The following DCUN1D1 variants were observed in gnomAD, a reference collection of about 807,000 sequenced individuals.
DCUN1D1 encodes defective in cullin neddylation 1 domain containing 1.
In DCUN1D1, 3 loss-of-function variants were observed where a neutral mutation model predicts 39.0. That is an observed-to-expected ratio of 0.08 (90% CI 0.04 to 0.20). The LOEUF (loss-of-function observed/expected upper bound fraction) is 0.20, where lower values mean the gene tolerates loss of function less well. Ranked by LOEUF, DCUN1D1 falls within the 10% of genes least tolerant of loss-of-function variation. The probability of loss-of-function intolerance (pLI) is 1.00; values close to 1 mark genes in which losing one functional copy is unlikely to be tolerated. For missense variants in DCUN1D1, 158 were observed against 302.4 expected (o/e 0.52, Z 3.54); for synonymous variants, 82 against 96.3 (o/e 0.85, Z 0.87).
At chr3:182,970,099 T>A (rs1168356328) in intron 1 of DCUN1D1, among the ~76,000 whole-genome samples, 1 of 151,850 alleles carries the variant, frequency 6.6e-6, no homozygotes, top group Non-Finnish European at 1.5e-5. Context: ...GCTACAAAAA[T>A]TTTTTTTAAT....
intron 4 of DCUN1D1, among the ~76,000 whole-genome samples, chr3:182,952,092 T>G (rs1303003377): frequency 6.6e-6 from 1 of 152,156 alleles, no homozygotes; most frequent in African/African-American, 2.4e-5. Context: ...TGTCATCCAC[T>G]CCAATGAAAT....
At chr3:182,949,478 G>A (rs1303432647) in intron 4 of DCUN1D1, among the ~76,000 whole-genome samples, 1 of 152,084 alleles carries the variant, frequency 6.6e-6, no homozygotes, top group Non-Finnish European at 1.5e-5. Context: ...CCATCACTCT[G>A]GGAAGCTGAG....
chr3:182,982,545 T>A (rs893876228), upstream of DCUN1D1, among the ~76,000 whole-genome samples: 1 of 152,192 alleles, frequency 6.6e-6, no homozygotes, highest in Admixed American at 6.5e-5. Flanking sequence ...TCTTCCTGCC[T>A]CATCCCCTTA....
At chr3:182,966,668 G>A (rs373158579) in intron 1 of DCUN1D1, among the ~76,000 whole-genome samples, 55 of 152,160 alleles carry the variant, frequency 3.6e-4, no homozygotes, top group African/African-American at 1.2e-3. Context: ...CACCCAAGCC[G>A]GCCTCCTAGC....
At chr3:182,961,453 T>C (rs758158829) in intron 3 of DCUN1D1, 97 bp from the exon 4 acceptor site, 100 of 1,135,992 alleles carry the variant, frequency 8.8e-5, no homozygotes, top group Non-Finnish European at 1.2e-4. Flanking sequence ...TTCCTAGAAC[T>C]ACTTTTTTAA....
upstream of DCUN1D1, chr3:182,980,676 G>T: frequency 1.4e-6 from 1 of 716,818 alleles, no homozygotes; most frequent in Non-Finnish European, 1.7e-6. Flanking sequence ...GGCGGAGGGC[G>T]CCCCGCGCGG....
chr3:182,961,961 T>C (rs73883968), intron 3 of DCUN1D1, among the ~76,000 whole-genome samples: 93 of 152,372 alleles, frequency 6.1e-4, no homozygotes, highest in African/African-American at 2.0e-3. Flanking sequence ...ACTTTCCTCA[T>C]AGAGCCTTAT....
intron 1 of DCUN1D1, among the ~76,000 whole-genome samples, chr3:182,975,941 G>C (rs1051520930): frequency 2.0e-5 from 3 of 150,216 alleles, no homozygotes; most frequent in Admixed American, 6.6e-5. Context: ...TGTCTGACTA[G>C]TAGAGTGTAC....
intron 1 of DCUN1D1, among the ~76,000 whole-genome samples, chr3:182,973,737 A>C (rs1214016880): frequency 1.3e-5 from 2 of 150,494 alleles, no homozygotes; most frequent in Non-Finnish European, 3.0e-5. Context: ...AACCCCGGAG[A>C]CAGAGGCTGC....
At chr3:182,967,159 T>TATATATA (rs1727714739) in intron 1 of DCUN1D1, among the ~76,000 whole-genome samples, 1 of 147,306 alleles carries the variant, frequency 6.8e-6, no homozygotes, top group African/African-American at 2.5e-5. Context: ...TATATATATA[T>TATATATA]TTTCTGTGGT....
intron 4 of DCUN1D1, among the ~76,000 whole-genome samples, chr3:182,954,317 T>C (rs1726917859): frequency 6.6e-6 from 1 of 152,210 alleles, no homozygotes; most frequent in Non-Finnish European, 1.5e-5. Flanking sequence ...ATTGATATTT[T>C]CAATTGATAT....
upstream of DCUN1D1, among the ~76,000 whole-genome samples, chr3:182,983,670 G>A (rs1728634581): frequency 1.3e-5 from 2 of 151,832 alleles, no homozygotes; most frequent in African/African-American, 4.8e-5. Context: ...TCGCGCCACT[G>A]CACTCCAGCC....
rs937678734 is a variant in DCUN1D1, at chr3:182,957,891, T to C, written c.520+3335A>G. Among the ~76,000 whole-genome samples the C allele has an allele frequency of 4.4e-5, 6 of 137,504 alleles. No individual in the cohort carries two copies. In the East Asian group the frequency reaches 8.2e-4, roughly 19 times the overall value. The allele number at this position is 137,504 out of a possible 152,430, so 90.2% of individuals were successfully genotyped here. A position where few individuals can be genotyped will look rare whatever the true frequency, so the allele number is the denominator to read the frequency against. On this transcript the variant is annotated intron_variant, in intron 4 of 6. Coordinates refer to ENST00000292782, the MANE Select transcript of DCUN1D1 (RefSeq NM_020640.4). ...AAGTCAAGCCTGCAGTGAGCCACGATTGCACCACTGCATTCCAGCCTGGGC... is the reference window on the plus strand; with the variant it reads ...AAGTCAAGCCTGCAGTGAGCCACGACTGCACCACTGCATTCCAGCCTGGGC...
intron 4 of DCUN1D1, among the ~76,000 whole-genome samples, chr3:182,948,352 G>A (rs1405045722): frequency 6.6e-6 from 1 of 152,072 alleles, no homozygotes; most frequent in Non-Finnish European, 1.5e-5. Flanking sequence ...TTTTTAACTG[G>A]GCATGGACCA....
chr3:182,941,976 T>C lies in DCUN1D1; in HGVS notation c.*3118A>G, dbSNP rs1726155553. 1 of 152,104 alleles carries C rather than the reference T, an allele frequency of 6.6e-6. No individual in the cohort carries two copies. The highest frequency in any genetic ancestry group is 1.5e-5 in the Non-Finnish European group (1 of 67,964). 9.4% of individuals were successfully genotyped at this position (152,104 alleles called of 1,614,324 possible). On this transcript the variant is annotated 3_prime_UTR_variant, in exon 7 of 7. Coordinates refer to ENST00000292782, the MANE Select transcript of DCUN1D1 (RefSeq NM_020640.4). Reference sequence around the variant, plus strand: ...TACTCACTTCTTGATTATCATCAAATAAAAAATAAATGAACACTTCATTCA... The same window carrying C: ...TACTCACTTCTTGATTATCATCAAACAAAAAATAAATGAACACTTCATTCA...
Position 182,939,069 on chromosome 3 carries a change from GTAAC to G in DCUN1D1, c.*6021_*6024del, listed in dbSNP as rs764287957. The G allele has an allele frequency of 3.9e-5, 6 of 152,326 alleles. No individual in the cohort carries two copies. In the East Asian group the frequency reaches 5.8e-4, roughly 15 times the overall value. The allele number at this position is 152,326 out of a possible 1,614,324, so 9.4% of individuals were successfully genotyped here. A position where few individuals can be genotyped will look rare whatever the true frequency, so the allele number is the denominator to read the frequency against. ...TCCAAGAGAGTACATGTCTACTAGA[GTAAC>G]TAATTTTACAGCAATCGCTGAGGCC... On this transcript the variant is annotated 3_prime_UTR_variant, in exon 7 of 7. Coordinates refer to ENST00000292782, the MANE Select transcript of DCUN1D1 (RefSeq NM_020640.4).
intron 4 of DCUN1D1, among the ~76,000 whole-genome samples, chr3:182,953,687 G>A (rs935549586): frequency 1.3e-5 from 2 of 152,140 alleles, no homozygotes; most frequent in Non-Finnish European, 1.5e-5. Flanking sequence ...TTCTGAAGCA[G>A]TATTGGAAAA....
chr3:182,966,635 A>AG (rs2108380761), intron 1 of DCUN1D1, among the ~76,000 whole-genome samples: 1 of 152,320 alleles, frequency 6.6e-6, no homozygotes, highest in South Asian at 2.1e-4. Flanking sequence ...CCAGTATCAA[A>AG]GACCATGTTC....
At chr3:182,981,428 C>G (rs1728546731), upstream of DCUN1D1, among the ~76,000 whole-genome samples, 1 of 152,222 alleles carries the variant, frequency 6.6e-6, no homozygotes, top group Admixed American at 6.5e-5. Context: ...CACTAGGATT[C>G]TGAGCTGAGG....
Sources: gnomAD v4.1 joint callset for allele counts (sites outside exome capture counted in the v4.1 genomes callset) on GRCh38, gnomAD v4.1.1 for gene constraint, MANE v1.5 for transcripts, NCBI Gene and HGNC (gene_info 2026-07-23, HGNC 2026-07-21) for gene names.